The following ADAM20 variants were observed in gnomAD, a reference collection of about 807,000 sequenced individuals.
The protein encoded by ADAM20 is disintegrin and metalloproteinase domain-containing protein 20.
For missense variants in ADAM20, 871 were observed against 883.2 expected (o/e 0.99, Z 0.18); for synonymous variants, 305 against 310.2 (o/e 0.98, Z 0.18).
the ADAM20 span, among the ~76,000 whole-genome samples, chr14:70,553,309 TAAA>T: frequency 0.081 from 1,391 of 17,092 alleles, 7 homozygotes; most frequent in East Asian, 0.34. Context: ...TAGAGTATAA[TAAA>T]AAAAAAAAAA....
the ADAM20 span, among the ~76,000 whole-genome samples, chr14:70,560,313 C>T: frequency 6.6e-6 from 1 of 151,928 alleles, no homozygotes; most frequent in Non-Finnish European, 1.5e-5. Flanking sequence ...ACAAAAAAGG[C>T]TCAATCAAAA....
the ADAM20 span, among the ~76,000 whole-genome samples, chr14:70,542,261 T>C: frequency 1.3e-5 from 2 of 152,216 alleles, no homozygotes; most frequent in African/African-American, 4.8e-5. Context: ...TATGGCAATA[T>C]AGTTACATAT....
chr14:70,530,338 GA>G (rs1308298099), intron 1 of ADAM20, among the ~76,000 whole-genome samples: 1 of 152,074 alleles, frequency 6.6e-6, no homozygotes, highest in Non-Finnish European at 1.5e-5. Flanking sequence ...CATCTCCTAT[GA>G]TCACAATGCC....
At chr14:70,563,117 A>G in the ADAM20 span, among the ~76,000 whole-genome samples, 1 of 152,134 alleles carries the variant, frequency 6.6e-6, no homozygotes, top group East Asian at 1.9e-4. Context: ...AAATGAACAC[A>G]TTGTCACTGC....
chr14:70,534,535 G>A (rs1013456809), intron 1 of ADAM20, among the ~76,000 whole-genome samples: 3 of 152,132 alleles, frequency 2.0e-5, no homozygotes, highest in Non-Finnish European at 4.4e-5. Context: ...GATGAGCATT[G>A]AGAATTTTAT....
the ADAM20 span, among the ~76,000 whole-genome samples, chr14:70,559,112 C>A: frequency 1.3e-5 from 2 of 152,154 alleles, no homozygotes; most frequent in Admixed American, 1.3e-4. Context: ...AACCTAAAAA[C>A]TGCCTACATG....
chr14:70,576,786 T>C, the ADAM20 span, among the ~76,000 whole-genome samples: 141 of 152,280 alleles, frequency 9.3e-4, 1 homozygote, highest in East Asian at 0.017. Context: ...AGCAGTGCCC[T>C]GTGTTAAGCA....
rs1883517627 is a variant in ADAM20, at chr14:70,523,883, TGTA to T, written c.872_874del (p.Leu291del). ...TATGAAAAGATGTGCAACATCATGT[TGTA>T]GTCGATTATTAAGGTTATAATTCTT... On this transcript the variant is annotated inframe_deletion, in exon 2 of 2. Coordinates refer to ENST00000256389, the MANE Select transcript of ADAM20 (RefSeq NM_003814.5). The T allele has an allele frequency of 4.3e-6, 7 of 1,613,876 alleles. No individual in the cohort carries two copies. Among genetic ancestry groups the T allele is most frequent in the South Asian group, 3.3e-5 (3 of 91,066 alleles).
the ADAM20 span, among the ~76,000 whole-genome samples, chr14:70,567,100 T>G: frequency 6.6e-6 from 1 of 152,122 alleles, no homozygotes; most frequent in Non-Finnish European, 1.5e-5. Flanking sequence ...CGGTGGTGAC[T>G]TGGGAATTTC....
chr14:70,577,411 GTACA>G, the ADAM20 span, among the ~76,000 whole-genome samples: 1 of 152,086 alleles, frequency 6.6e-6, no homozygotes, highest in Non-Finnish European at 1.5e-5. Context: ...TCCCAAAAAA[GTACA>G]TATAAAATGT....
chr14:70,572,164 T>C, the ADAM20 span, among the ~76,000 whole-genome samples: 1 of 152,210 alleles, frequency 6.6e-6, no homozygotes, highest in South Asian at 2.1e-4. Flanking sequence ...AAGAGCCTGA[T>C]TAACCAAAGA....
upstream of ADAM20, among the ~76,000 whole-genome samples, chr14:70,539,710 T>C (rs891059543): frequency 1.5e-4 from 23 of 152,236 alleles, no homozygotes; most frequent in Non-Finnish European, 2.2e-4. Flanking sequence ...ATGCACACAC[T>C]ATATTGTAAA....
the ADAM20 span, among the ~76,000 whole-genome samples, chr14:70,560,668 A>G: frequency 6.6e-6 from 1 of 152,206 alleles, no homozygotes; most frequent in African/African-American, 2.4e-5. Context: ...TCTCATGATA[A>G]TGATTCTCAT....
At chr14:70,540,613 T>A in the ADAM20 span, among the ~76,000 whole-genome samples, 1 of 151,750 alleles carries the variant, frequency 6.6e-6, no homozygotes, top group Non-Finnish European at 1.5e-5. Context: ...CTTGTGTAAT[T>A]TTTTTAACAA....
At chr14:70,570,866 T>C in the ADAM20 span, among the ~76,000 whole-genome samples, 2 of 152,152 alleles carry the variant, frequency 1.3e-5, no homozygotes, top group African/African-American at 4.8e-5. Context: ...TTCAACAACA[T>C]ACTAGCAAAC....
At chr14:70,529,681 A>G (rs999380152) in intron 1 of ADAM20, among the ~76,000 whole-genome samples, 1 of 152,148 alleles carries the variant, frequency 6.6e-6, no homozygotes, top group Admixed American at 6.6e-5. Flanking sequence ...AAGATATAAA[A>G]TGGTTCACTT....
chr14:70,558,514 TAC>T, the ADAM20 span, among the ~76,000 whole-genome samples: 2 of 152,182 alleles, frequency 1.3e-5, no homozygotes, highest in East Asian at 3.9e-4. Flanking sequence ...TGGTGCCAAG[TAC>T]AGTGTTCAGA....
At chr14:70,574,110 T>G in the ADAM20 span, among the ~76,000 whole-genome samples, 1 of 152,198 alleles carries the variant, frequency 6.6e-6, no homozygotes, top group Admixed American at 6.5e-5. Context: ...TTAGGCCACA[T>G]AACAAGTTTT....
chr14:70,569,964 T>TA, the ADAM20 span, among the ~76,000 whole-genome samples: 2 of 145,600 alleles, frequency 1.4e-5, no homozygotes, highest in African/African-American at 2.5e-5. Context: ...AATAGACATC[T>TA]ACAGAATATT....
Sources: gnomAD v4.1 joint callset for allele counts (sites outside exome capture counted in the v4.1 genomes callset) on GRCh38, gnomAD v4.1.1 for gene constraint, MANE v1.5 for transcripts, NCBI Gene and HGNC (gene_info 2026-07-23, HGNC 2026-07-21) for gene names.